Variants in ODAD2 observed in about 807,000 individuals in gnomAD.
The protein encoded by ODAD2 is outer dynein arm docking complex subunit 2.
A neutral mutation model predicts 106.8 loss-of-function variants in ODAD2; 89 were observed. That is an observed-to-expected ratio of 0.83 (90% CI 0.70 to 0.99). The LOEUF is 0.99. Among genes scored for constraint, ODAD2 ranks in the 50% least tolerant of loss-of-function variants. The pLI, the probability that ODAD2 is intolerant of heterozygous loss-of-function variation, is 0.00. For synonymous variants in ODAD2, 404 were observed against 436.2 expected (o/e 0.93, Z 0.92); for missense variants, 1,168 against 1,238.5 (o/e 0.94, Z 0.85).
Position 27,844,199 on chromosome 10 carries a change from C to CA in ODAD2, c.3021+16425dup, listed in dbSNP as rs796941708. Among the ~76,000 whole-genome samples the CA allele has an allele frequency of 3.5e-3, 530 of 151,512 alleles. 2 individuals are homozygous for CA. The highest frequency in any genetic ancestry group is 0.01 in the African/African-American group (416 of 41,350). On this transcript the variant is annotated intron_variant, in intron 19 of 19. Transcript: ENST00000305242. ...AACAGAGCAAGACCCTGTCTCAAAC[C>CA]AAAAAAAAGAATAATTGGCATAAAT...
At chr10:27,959,912 G>A (rs1299471848) in intron 10 of ODAD2, among the ~76,000 whole-genome samples, 1 of 152,090 alleles carries the variant, frequency 6.6e-6, no homozygotes, top group East Asian at 1.9e-4. Flanking sequence ...GCCAGAATAT[G>A]TGACATAATT....
intron 16 of ODAD2, among the ~76,000 whole-genome samples, chr10:27,919,875 T>C (rs1844650631): frequency 6.6e-6 from 1 of 152,162 alleles, no homozygotes; most frequent in Admixed American, 6.6e-5. Flanking sequence ...TACTTTTGCC[T>C]GCTGGTTATA....
At chr10:27,860,498 T>A (rs532005132) in intron 19 of ODAD2, 127 bp downstream of exon 19, 1 of 793,940 alleles carries the variant, frequency 1.3e-6, no homozygotes, top group Non-Finnish European at 2.0e-6. Context: ...AATGCAGCCA[T>A]GATGCAGCAG....
chr10:27,980,709 C>T (rs898389457), intron 7 of ODAD2, among the ~76,000 whole-genome samples: 1 of 152,142 alleles, frequency 6.6e-6, no homozygotes, highest in African/African-American at 2.4e-5. Context: ...AAAGTGGAAT[C>T]TTTGGATAAT....
In ODAD2 at chr10:27,901,951, C is replaced by T. The variant is rs187622562; in HGVS notation, c.2610+5712G>A. Among the ~76,000 whole-genome samples the T allele has an allele frequency of 2.3e-4, 35 of 152,078 alleles. No homozygotes were observed. In the East Asian group the frequency reaches 6.0e-3, roughly 26 times the overall value. The stretch of plus-strand genomic sequence containing the variant: ...GACTTGAACTCAGCTCTGGAACAAG[C>T]GAACCTAATAGACATCTACATAACT... On this transcript the variant is annotated intron_variant, in intron 17 of 19. Transcript: ENST00000305242.
intron 16 of ODAD2, among the ~76,000 whole-genome samples, chr10:27,916,601 G>A (rs1267549570): frequency 2.0e-5 from 3 of 151,918 alleles, no homozygotes; most frequent in African/African-American, 7.3e-5. Context: ...CCTGTTCAAC[G>A]TGAAGATGAC....
At chr10:27,818,613 GA>G in intron 19 of ODAD2, among the ~76,000 whole-genome samples, 1 of 152,240 alleles carries the variant, frequency 6.6e-6, no homozygotes, top group African/African-American at 2.4e-5. Context: ...ATGAGATTTA[GA>G]AAAAAATCTA....
At chr10:27,885,976 A>G (rs1156328516) in intron 17 of ODAD2, among the ~76,000 whole-genome samples, 3 of 142,482 alleles carry the variant, frequency 2.1e-5, no homozygotes, top group African/African-American at 7.8e-5. Context: ...AAATTGAAAA[A>G]TTCACTATAG....
intron 19 of ODAD2, among the ~76,000 whole-genome samples, chr10:27,827,572 A>C (rs761767013): frequency 2.0e-5 from 3 of 151,902 alleles, no homozygotes; most frequent in Non-Finnish European, 4.4e-5. Context: ...CCCAGGCATC[A>C]CATCCAAAAT....
At chr10:27,957,668 T>C (rs1847831916) in intron 10 of ODAD2, 1 of 152,122 alleles carries the variant, frequency 6.6e-6, no homozygotes, top group Admixed American at 6.6e-5. Flanking sequence ...GTTCAAAAAA[T>C]CCAGATGAAA....
At chr10:27,848,597 G>T (rs763115959) in intron 19 of ODAD2, among the ~76,000 whole-genome samples, 1 of 152,152 alleles carries the variant, frequency 6.6e-6, no homozygotes, top group East Asian at 1.9e-4. Flanking sequence ...CACAGCAAAA[G>T]AAACTACCAT....
intron 16 of ODAD2, among the ~76,000 whole-genome samples, chr10:27,921,845 T>G (rs1415645991): frequency 6.6e-6 from 1 of 151,608 alleles, no homozygotes; most frequent in Non-Finnish European, 1.5e-5. Context: ...TATTTTTTTT[T>G]TTGTAATTTA....
intron 19 of ODAD2, among the ~76,000 whole-genome samples, chr10:27,820,463 C>T: frequency 6.6e-6 from 1 of 151,974 alleles, no homozygotes; most frequent in East Asian, 1.9e-4. Flanking sequence ...ATACAGAAAG[C>T]TGCTGTGTGT....
At chr10:27,996,128 T>G (rs1360492415) in intron 1 of ODAD2, among the ~76,000 whole-genome samples, 2 of 152,238 alleles carry the variant, frequency 1.3e-5, no homozygotes. Flanking sequence ...ATAATGAACA[T>G]TTAATGCTTT....
Position 27,954,622 on chromosome 10 carries a change from G to A in ODAD2, c.1386+6946C>T, listed in dbSNP as rs73606017. On this transcript the variant is annotated intron_variant, in intron 10 of 19. Coordinates refer to ENST00000305242, the MANE Select transcript of ODAD2 (RefSeq NM_018076.5). ...GGTAGCATAGTGCTAGCTAGTGGTC[G>A]CATAAACTGTTATGAGTCAGTAGCA... 3.1e-3 allele frequency among the ~76,000 whole-genome samples: 479 copies of A among 152,286 alleles called. 5 individuals carry two copies. Among genetic ancestry groups the A allele is most frequent in the African/African-American group, 0.011 (445 of 41,550 alleles).
At position 27,827,393 on chromosome 10, in the gene ODAD2, A is replaced by AC. The variant is rs1312939895; in HGVS notation, c.3022-14769_3022-14768insG. Reference sequence around the variant, plus strand: ...ACACACACACACTATATATATATATATATATATATATATATATATTCCATG... The same window carrying AC: ...ACACACACACACTATATATATATATACTATATATATATATATATATTCCATG... On this transcript the variant is annotated intron_variant, in intron 19 of 19. Transcript: ENST00000305242. Among the ~76,000 whole-genome samples the AC allele has an allele frequency of 6.8e-5, 10 of 147,464 alleles. No homozygotes were observed. The East Asian group carries it at 1.0e-3, about 15-fold the overall frequency.
intron 17 of ODAD2, among the ~76,000 whole-genome samples, chr10:27,902,724 T>C (rs765275522): frequency 2.6e-5 from 4 of 152,086 alleles, no homozygotes; most frequent in African/African-American, 7.2e-5. Context: ...CCTGGACACA[T>C]ACACCCTCCC....
At chr10:27,864,816 T>A (rs1244121070) in intron 17 of ODAD2, among the ~76,000 whole-genome samples, 1 of 152,072 alleles carries the variant, frequency 6.6e-6, no homozygotes, top group African/African-American at 2.4e-5. Context: ...ATCTTTTGCA[T>A]CCCAACGGCG....
chr10:27,919,756 C>T (rs982677013), intron 16 of ODAD2, among the ~76,000 whole-genome samples: 1 of 151,978 alleles, frequency 6.6e-6, no homozygotes, highest in Non-Finnish European at 1.5e-5. Context: ...TGTGATGACT[C>T]AGAAATTCCA....
Sources: allele counts gnomAD v4.1 joint callset (sites outside exome capture counted in the v4.1 genomes callset), GRCh38; gene constraint gnomAD v4.1.1; transcripts MANE v1.5; gene names NCBI Gene and HGNC (gene_info 2026-07-23, HGNC 2026-07-21).